Variants in IFT140 observed in about 807,000 individuals in gnomAD.
IFT140 encodes intraflagellar transport protein 140 homolog.
Under a neutral mutation model 164.6 loss-of-function variants are expected in IFT140, and 133 were observed. The observed-to-expected ratio is 0.81, with a 90% CI of 0.70 to 0.93. IFT140 has a LOEUF of 0.93. Ranked by LOEUF, IFT140 falls within the 40% of genes least tolerant of loss-of-function variation. IFT140 has a pLI of 0.00. For missense variants in IFT140, 2,045 were observed against 1,972.3 expected, an observed-to-expected ratio of 1.04 and a Z score of -0.70; for synonymous variants, 860 against 817.3, an observed-to-expected ratio of 1.05 and a Z score of -0.89.
chr16:1,608,750 AG>A (rs34791300), intron 2 of IFT140, among the ~76,000 whole-genome samples: 2 of 152,098 alleles, frequency 1.3e-5, no homozygotes, highest in Non-Finnish European at 2.9e-5. Context: ...GTTTAGAGAC[AG>A]GGCCCCCAGG....
intron 4 of IFT140, among the ~76,000 whole-genome samples, chr16:1,595,172 C>T (rs982510035): frequency 1.3e-5 from 2 of 152,186 alleles, no homozygotes; most frequent in South Asian, 2.1e-4. Context: ...GTAGTCCCAG[C>T]TACTCGGGAG....
chr16:1,565,861 TCAC>T (rs2033685279), intron 16 of IFT140, among the ~76,000 whole-genome samples: 2 of 152,114 alleles, frequency 1.3e-5, no homozygotes, highest in African/African-American at 2.4e-5. Flanking sequence ...GGGTCTGAGG[TCAC>T]CACATTTCTC....
chr16:1,550,014 G>A (rs2032502171), intron 19 of IFT140, among the ~76,000 whole-genome samples: 1 of 152,054 alleles, frequency 6.6e-6, no homozygotes, highest in South Asian at 2.1e-4. Flanking sequence ...TGAGTGCAAT[G>A]GTGCAATCAC....
chr16:1,562,920 C>T (rs773548711), intron 17 of IFT140, among the ~76,000 whole-genome samples: 6 of 152,158 alleles, frequency 3.9e-5, no homozygotes, highest in Admixed American at 2.6e-4. Flanking sequence ...CCAGGACATG[C>T]GCCCATACCT....
At chr16:1,584,580 T>G (rs562869800) in intron 10 of IFT140, among the ~76,000 whole-genome samples, 160 bp from the exon 11 acceptor site, 1 of 152,264 alleles carries the variant, frequency 6.6e-6, no homozygotes, top group African/African-American at 2.4e-5. Flanking sequence ...ATAAGAAAAG[T>G]CTTATAAAGG....
chr16:1,528,400 T>C (rs1348976034), intron 19 of IFT140, among the ~76,000 whole-genome samples: 9 of 145,064 alleles, frequency 6.2e-5, no homozygotes, highest in Admixed American at 4.1e-4. Context: ...CACACACGGA[T>C]GCACACACAT....
In IFT140 at chr16:1,610,641, GCCC is replaced by G. The variant is rs2036290325; in HGVS notation, c.-32+20_-32+22del. On this transcript the variant is annotated intron_variant, in intron 2 of 30. Coordinates refer to ENST00000426508, the MANE Select transcript of IFT140 (RefSeq NM_014714.4). ...TGGCTCCTAAGGACCTGGGTCGGCCGCCCTAGCCCTAAGGCCACTCACCTCTGC... is the reference window on the plus strand; with the variant it reads ...TGGCTCCTAAGGACCTGGGTCGGCCGTAGCCCTAAGGCCACTCACCTCTGC... The G allele has an allele frequency of 6.6e-6, 1 of 152,326 alleles. No homozygotes were observed. Among genetic ancestry groups the G allele is most frequent in the South Asian group, 2.1e-4 (1 of 4,838 alleles). The allele number at this position is 152,326 out of a possible 1,614,324, so 9.4% of individuals were successfully genotyped here.
chr16:1,515,539 C>T (rs11643891), intron 30 of IFT140, among the ~76,000 whole-genome samples: 65,438 of 151,930 alleles, frequency 0.43, 16,939 homozygotes, highest in African/African-American at 0.73. Flanking sequence ...CCCAAGCAGC[C>T]AAGACTGCAG....
At chr16:1,585,972 C>T (rs890615949) in intron 10 of IFT140, among the ~76,000 whole-genome samples, 158 bp downstream of exon 10, 5 of 152,018 alleles carry the variant, frequency 3.3e-5, no homozygotes, top group South Asian at 2.1e-4. Context: ...AGGGTTTCAC[C>T]GTGTTAGCCA....
intron 30 of IFT140, among the ~76,000 whole-genome samples, chr16:1,511,560 A>G (rs890396338): frequency 4.0e-5 from 6 of 151,466 alleles, no homozygotes; most frequent in Non-Finnish European, 8.8e-5. Context: ...GCAGGCAGCG[A>G]TATCTACTGG....
chr16:1,542,695 G>A (rs2031766148), intron 19 of IFT140, among the ~76,000 whole-genome samples: 1 of 152,284 alleles, frequency 6.6e-6, no homozygotes, highest in African/African-American at 2.4e-5. Context: ...ACAGTGAGGT[G>A]CCTGCACGAG....
intron 29 of IFT140, 151 bp from the exon 30 acceptor site, chr16:1,518,508 GT>G (rs2040429979): frequency 1.4e-6 from 1 of 737,544 alleles, no homozygotes; most frequent in Non-Finnish European, 2.1e-6. Flanking sequence ...TCCTTAATTT[GT>G]TCATTCATAA....
chr16:1,587,175 T>A, intron 9 of IFT140, 23 bp downstream of exon 9: 1 of 1,468,746 alleles, frequency 6.8e-7, no homozygotes, highest in Non-Finnish European at 9.5e-7. Flanking sequence ...CTGTTTCTCT[T>A]GTGCCAGGCC....
intron 13 of IFT140, among the ~76,000 whole-genome samples, chr16:1,575,638 C>A (rs914146628): frequency 6.6e-6 from 1 of 152,220 alleles, no homozygotes; most frequent in Non-Finnish European, 1.5e-5. Context: ...CCAAGCTCTA[C>A]AAGTAGGACT....
intron 19 of IFT140, chr16:1,557,732 A>G: frequency 1.7e-6 from 1 of 596,286 alleles, no homozygotes; most frequent in South Asian, 2.1e-5. Flanking sequence ...AGAGGCTCCC[A>G]GCACCAGAGA....
At chr16:1,598,622 G>A (rs911401994) in intron 4 of IFT140, among the ~76,000 whole-genome samples, 13 of 152,368 alleles carry the variant, frequency 8.5e-5, no homozygotes, top group East Asian at 1.9e-4. Context: ...CTACTCACAC[G>A]CAACTCTCTA....
In IFT140 at chr16:1,525,251, G is replaced by T; in HGVS notation, c.2844C>A (p.Tyr948Ter). 1 of 1,612,290 alleles carries T rather than the reference G, an allele frequency of 6.2e-7. No individual in the cohort carries two copies. The highest frequency in any genetic ancestry group is 8.5e-7 in the Non-Finnish European group (1 of 1,179,428). Reference protein sequence around the residue: ...LSEDLPSLELYVNKMKDKTLW... With the variant: ...LSEDLPSLEL ...CTCACTTATCCTTCATTTTATTCAC[G>T]TAGAGCTCCAGGGACGGCAGGTCCT... Residue 948 changes from tyrosine to a stop codon, truncating the protein, a stop_gained, in exon 22 of 31, where the codon TAC becomes TAA. Transcript: ENST00000426508. LOFTEE classifies it high-confidence loss of function.
At position 1,571,475 on chromosome 16, in the gene IFT140, G is replaced by T. The variant is rs745601698; in HGVS notation, c.1584C>A (p.Asp528Glu). ...SETEGNPCFL[D>E]ICGNFLVVGT... is the part of the protein sequence containing the mutation. ...CTACAACCAGGAAATTCCCACAGATGTCCAAGAAGCAGGGATTCCCCTCAG... is the reference window on the plus strand; with the variant it reads ...CTACAACCAGGAAATTCCCACAGATTTCCAAGAAGCAGGGATTCCCCTCAG... Residue 528 changes from aspartate to glutamate, a missense_variant, in exon 14 of 31, where the codon GAC (aspartate) becomes GAA (glutamate). Coordinates refer to ENST00000426508, the MANE Select transcript of IFT140 (RefSeq NM_014714.4). 1.9e-6 allele frequency: 3 copies of T among 1,614,050 alleles called. No homozygotes were observed. The highest frequency in any genetic ancestry group is 1.7e-6 in the Non-Finnish European group (2 of 1,179,904).
At chr16:1,590,200 C>CAAAAA (rs559750583) in intron 6 of IFT140, among the ~76,000 whole-genome samples, 7 of 78,276 alleles carry the variant, frequency 8.9e-5, no homozygotes, top group Non-Finnish European at 1.9e-4. Context: ...GACTCTGTCT[C>CAAAAA]AAAAAAAAAA....
Sources: allele counts gnomAD v4.1 joint callset (sites outside exome capture counted in the v4.1 genomes callset), GRCh38; gene constraint gnomAD v4.1.1; transcripts MANE v1.5; gene names NCBI Gene and HGNC (gene_info 2026-07-23, HGNC 2026-07-21).